Variants in TMCO4 observed in about 807,000 individuals in gnomAD.
The protein encoded by TMCO4 is transmembrane and coiled-coil domains 4, also known as transmembrane and coiled-coil domain-containing protein 4.
TMCO4 carries 58 observed loss-of-function variants against 64.7 expected under a neutral mutation model. The ratio of observed to expected loss-of-function variants is 0.90; its 90% CI spans 0.73 to 1.12. The LOEUF (loss-of-function observed/expected upper bound fraction) is 1.12. Among genes scored for constraint, TMCO4 ranks in the 50% most tolerant of loss-of-function variants. The pLI is 0.00. For synonymous variants in TMCO4, 325 were observed against 346.1 expected, an observed-to-expected ratio of 0.94 and a Z score of 0.68; for missense variants, 780 against 825.9, an observed-to-expected ratio of 0.94 and a Z score of 0.68.
chr1:19,698,247 C>T (rs1557467392), intron 14 of TMCO4, among the ~76,000 whole-genome samples: 1 of 152,204 alleles, frequency 6.6e-6, no homozygotes, highest in Non-Finnish European at 1.5e-5. Context: ...TCACATGGCA[C>T]CTGGGGCAGA....
intron 13 of TMCO4, among the ~76,000 whole-genome samples, chr1:19,731,482 T>C (rs1300219925): frequency 1.3e-5 from 2 of 152,196 alleles, no homozygotes; most frequent in African/African-American, 2.4e-5. Flanking sequence ...GTTACATGAC[T>C]GGGTGCGTGG....
intron 6 of TMCO4, among the ~76,000 whole-genome samples, chr1:19,763,420 A>G (rs919778252): frequency 2.6e-5 from 4 of 152,214 alleles, no homozygotes; most frequent in African/African-American, 9.7e-5. Flanking sequence ...GGACAATAAG[A>G]GGATGGATGT....
chr1:19,747,029 T>C, intron 8 of TMCO4, 134 bp downstream of exon 8: 2 of 748,818 alleles, frequency 2.7e-6, no homozygotes, highest in Admixed American at 1.9e-5. Flanking sequence ...CACCGACTAC[T>C]CACTGACTAC....
chr1:19,774,780 C>T (rs969514995), intron 4 of TMCO4, among the ~76,000 whole-genome samples: 3 of 152,142 alleles, frequency 2.0e-5, no homozygotes, highest in Non-Finnish European at 2.9e-5. Flanking sequence ...CTCACCATGA[C>T]CCCATGAGGA....
intron 13 of TMCO4, among the ~76,000 whole-genome samples, chr1:19,722,140 CAAGGGGA>C (rs2095387525): frequency 1.3e-5 from 2 of 152,276 alleles, no homozygotes; most frequent in South Asian, 4.1e-4. Flanking sequence ...TGGATGATGT[CAAGGGGA>C]TCCTGTACAG....
At chr1:19,709,390 G>A (rs1157532510) in intron 13 of TMCO4, among the ~76,000 whole-genome samples, 1 of 147,472 alleles carries the variant, frequency 6.8e-6, no homozygotes, top group African/African-American at 2.5e-5. Flanking sequence ...TGAGAATAAA[G>A]CAACTGGTGG....
chr1:19,685,710 C>CTTTCTT (rs1477655913), intron 15 of TMCO4, among the ~76,000 whole-genome samples: 1 of 106,614 alleles, frequency 9.4e-6, no homozygotes, highest in Non-Finnish European at 1.9e-5. Context: ...AGGCCTGTTT[C>CTTTCTT]TTTTTTTTTT....
At chr1:19,772,424 A>C (rs61768334) in intron 4 of TMCO4, among the ~76,000 whole-genome samples, 17,813 of 152,218 alleles carry the variant, frequency 0.12, 1,140 homozygotes, top group Non-Finnish European at 0.13. Context: ...GCAGTCCTAC[A>C]GGAGTCCCCA....
rs1012404796 is a variant in TMCO4 at position 19,738,968 on chromosome 1, G to A, written c.1179+856C>T. Among the ~76,000 whole-genome samples, 11 of 152,162 alleles carry A rather than the reference G, an allele frequency of 7.2e-5. 1 individual carries two copies. The highest frequency in any genetic ancestry group is 4.8e-5 in the African/African-American group (2 of 41,428). On this transcript the variant is annotated intron_variant, in intron 12 of 15. Transcript: ENST00000294543. ...TCCTTTCTCCTGCTCCCTGGAGCTCGGATGATGCCATCTTTGATACAAGGT... is the reference window on the plus strand; with the variant it reads ...TCCTTTCTCCTGCTCCCTGGAGCTCAGATGATGCCATCTTTGATACAAGGT...
chr1:19,688,136 G>A (rs1312317307), intron 15 of TMCO4, among the ~76,000 whole-genome samples: 3 of 152,294 alleles, frequency 2.0e-5, no homozygotes, highest in Non-Finnish European at 4.4e-5. Context: ...GCGTGCAGAA[G>A]CCTTCCGTGG....
At chr1:19,739,716 T>G in intron 12 of TMCO4, 108 bp downstream of exon 12, 5 of 1,491,088 alleles carry the variant, frequency 3.4e-6, no homozygotes, top group Non-Finnish European at 4.5e-6. Context: ...CCAAAACCAT[T>G]GAGTTATCTC....
chr1:19,760,885 G>A (rs1437481662), intron 6 of TMCO4, among the ~76,000 whole-genome samples: 5 of 152,246 alleles, frequency 3.3e-5, no homozygotes, highest in Admixed American at 6.5e-5. Context: ...CTGAGTGGCT[G>A]GAACTCTGTT....
At chr1:19,744,168 T>C (rs1204567946) in intron 10 of TMCO4, among the ~76,000 whole-genome samples, 1 of 151,854 alleles carries the variant, frequency 6.6e-6, no homozygotes, top group East Asian at 1.9e-4. Flanking sequence ...CGTTTAGGAT[T>C]CCCGCACCCA....
At chr1:19,762,360 G>A (rs978358904) in intron 6 of TMCO4, among the ~76,000 whole-genome samples, 6 of 152,304 alleles carry the variant, frequency 3.9e-5, no homozygotes, top group Middle Eastern at 6.8e-3. Flanking sequence ...GAGGGTGACC[G>A]AGGGATCTCG....
chr1:19,703,102 A>G (rs1249528859), intron 13 of TMCO4, among the ~76,000 whole-genome samples: 1 of 152,240 alleles, frequency 6.6e-6, no homozygotes, highest in African/African-American at 2.4e-5. Context: ...AGCACCGGTT[A>G]CAGATTTGGT....
chr1:19,774,653 T>C (rs2043132758), intron 4 of TMCO4, among the ~76,000 whole-genome samples: 1 of 152,212 alleles, frequency 6.6e-6, no homozygotes, highest in East Asian at 1.9e-4. Context: ...AATGTGTTTG[T>C]TGGTCTGGTG....
At chr1:19,695,785 C>T (rs1011445313) in intron 14 of TMCO4, among the ~76,000 whole-genome samples, 2 of 152,172 alleles carry the variant, frequency 1.3e-5, no homozygotes, top group Non-Finnish European at 2.9e-5. Context: ...GACTGGGTCC[C>T]TGAGCTAAGG....
chr1:19,690,807 A>G (rs1021823894), intron 15 of TMCO4, among the ~76,000 whole-genome samples: 1 of 146,142 alleles, frequency 6.8e-6, no homozygotes, highest in African/African-American at 2.6e-5. Flanking sequence ...GATGCTTAAT[A>G]CCTCCTCTAG....
intron 13 of TMCO4, among the ~76,000 whole-genome samples, chr1:19,730,479 G>T (rs1236088074): frequency 1.3e-5 from 2 of 152,248 alleles, no homozygotes; most frequent in African/African-American, 4.8e-5. Context: ...TACTTCTAGA[G>T]CATGTACTCT....
Sources: gnomAD v4.1 joint callset for allele counts (sites outside exome capture counted in the v4.1 genomes callset) on GRCh38, gnomAD v4.1.1 for gene constraint, MANE v1.5 for transcripts, NCBI Gene and HGNC (gene_info 2026-07-23, HGNC 2026-07-21) for gene names.